Variants in ADGRV1 observed in about 807,000 individuals in gnomAD.
ADGRV1 encodes adhesion G protein-coupled receptor V1.
Under a neutral mutation model 596.2 loss-of-function variants are expected in ADGRV1, and 359 were observed. The observed-to-expected ratio is 0.60, with a 90% confidence interval of 0.55 to 0.66. The LOEUF (loss-of-function observed/expected upper bound fraction) is 0.66, where lower values mean the gene tolerates loss of function less well. ADGRV1 is among the 30% of genes least tolerant of loss of function. ADGRV1 has a pLI of 0.00. For missense variants in ADGRV1, 7,274 were observed against 7,575.6 expected (o/e 0.96, Z 1.48); for synonymous variants, 2,681 against 2,679.2 (o/e 1.00, Z -0.02).
At chr5:90,813,413 T>C (rs2443078) in intron 74 of ADGRV1, among the ~76,000 whole-genome samples, 142,585 of 152,120 alleles carry the variant, frequency 0.94, 67,096 homozygotes, top group East Asian at 1. Context: ...GGGCTCAGGA[T>C]AGAAGTTAGG....
chr5:90,946,915 C>T (rs981978116), intron 83 of ADGRV1, among the ~76,000 whole-genome samples: 5 of 152,126 alleles, frequency 3.3e-5, no homozygotes, highest in Admixed American at 2.6e-4. Context: ...AATAGTGCTG[C>T]AGTGAACATA....
At chr5:90,624,479 G>T (rs761542475) in intron 5 of ADGRV1, among the ~76,000 whole-genome samples, 6 of 151,928 alleles carry the variant, frequency 3.9e-5, no homozygotes, top group Admixed American at 1.3e-4. Flanking sequence ...GCTTAATATT[G>T]CCATATACTG....
At position 90,685,799 on chromosome 5, in the gene ADGRV1, TG is replaced by T; in HGVS notation, c.6297del (p.Pro2100LeufsTer3). The part of the protein sequence containing the change: ...SRSIPNSPRL[G>X]PKVETIAQLI... The stretch of plus-strand genomic sequence containing the variant: ...TTTCAGTTCCAAATTCTCCACGTCT[TG>T]GGCCTAAGGTAGAAACTATTGCGCA... On this transcript the variant is annotated frameshift_variant, in exon 29 of 90. Coordinates refer to ENST00000405460, the MANE Select transcript of ADGRV1 (RefSeq NM_032119.4). LOFTEE classifies it high-confidence loss of function. 1 of 1,608,958 alleles carries T rather than the reference TG, an allele frequency of 6.2e-7. No homozygotes were observed. Among genetic ancestry groups the T allele is most frequent in the Non-Finnish European group, 8.5e-7 (1 of 1,178,084 alleles).
Position 90,653,913 on chromosome 5 carries a change from A to G in ADGRV1, c.4339A>G (p.Arg1447Gly), listed in dbSNP as rs1580610049. 1 of 1,567,190 alleles carries G rather than the reference A, an allele frequency of 6.4e-7. No homozygotes were observed. Among genetic ancestry groups the G allele is most frequent in the Non-Finnish European group, 8.7e-7 (1 of 1,154,912 alleles). ...EFYLDGNAMPRGIKSLKGEAI... is the reference protein window; with the variant it reads ...EFYLDGNAMPGGIKSLKGEAI... Reference sequence around the variant, plus strand: ...CTACCTGGATGGAAATGCAATGCCCAGGGGAATCAAGAGTCTGAAAGGAGA... The same window carrying G: ...CTACCTGGATGGAAATGCAATGCCCGGGGGAATCAAGAGTCTGAAAGGAGA... The change falls in exon 20 of 90, where the codon AGG (arginine) becomes GGG (glycine). Residue 1447 changes from arginine to glycine, a missense_variant. Physicochemically the swap from Arg to Gly is moderately radical, Grantham distance 125 (BLOSUM62 -2). Around this residue, in one of 5 missense-constraint regions of ADGRV1, gnomAD observed 38 missense variants for 66.7 expected, o/e 0.57. Transcript: ENST00000405460.
intron 33 of ADGRV1, among the ~76,000 whole-genome samples, chr5:90,695,278 A>G (rs1218828612): frequency 2.0e-5 from 3 of 152,164 alleles, no homozygotes; most frequent in Non-Finnish European, 4.4e-5. Context: ...TTCATAAACA[A>G]TATACTGATA....
At chr5:90,620,352 TG>T (rs1297481846) in intron 4 of ADGRV1, among the ~76,000 whole-genome samples, 1 of 152,246 alleles carries the variant, frequency 6.6e-6, no homozygotes, top group Non-Finnish European at 1.5e-5. Flanking sequence ...TGATGGCCAG[TG>T]ATGATGAGCA....
At chr5:90,568,810 G>A (rs1022568751) in intron 1 of ADGRV1, among the ~76,000 whole-genome samples, 1 of 152,034 alleles carries the variant, frequency 6.6e-6, no homozygotes, top group African/African-American at 2.4e-5. Flanking sequence ...TGTGCCTGTA[G>A]GTTTACAATT....
rs550772474 is a variant in ADGRV1 at position 91,002,609 on chromosome 5, CTTTAATAATTTT to C, written c.18152+17088_18152+17099del. On this transcript the variant is annotated intron_variant, in intron 85 of 89. Transcript: ENST00000405460. ...CCATTTTCTAAATTTTTTCTGGCCC[CTTTAATAATTTT>C]CAAAATTATTATCTTTTTTTTCTGA... is the stretch of plus-strand genomic sequence containing the variant. Among the ~76,000 whole-genome samples, 1,190 of 152,130 alleles carry C rather than the reference CTTTAATAATTTT, an allele frequency of 7.8e-3. 6 individuals carry two copies. The highest frequency in any genetic ancestry group is 0.015 in the Admixed American group (226 of 15,260).
intron 1 of ADGRV1, among the ~76,000 whole-genome samples, chr5:90,568,910 G>T (rs1756015343): frequency 6.6e-6 from 1 of 151,878 alleles, no homozygotes; most frequent in Admixed American, 6.6e-5. Context: ...TGTCTATTTT[G>T]TCCAATATTA....
intron 83 of ADGRV1, among the ~76,000 whole-genome samples, chr5:90,946,860 A>G (rs748791888): frequency 3.9e-5 from 6 of 152,128 alleles, no homozygotes; most frequent in Admixed American, 1.3e-4. Context: ...TATCCAGTCT[A>G]TCATTGATGG....
chr5:90,722,567 A>T (rs1751195559), intron 45 of ADGRV1, among the ~76,000 whole-genome samples: 1 of 151,212 alleles, frequency 6.6e-6, no homozygotes, highest in African/African-American at 2.4e-5. Context: ...AAAAAAAATT[A>T]GCCGGGCTTG....
intron 34 of ADGRV1, among the ~76,000 whole-genome samples, chr5:90,699,500 G>A (rs1024620010): frequency 3.9e-5 from 6 of 152,140 alleles, no homozygotes; most frequent in African/African-American, 9.7e-5. Flanking sequence ...AAGGATAGAC[G>A]AGATTTAAGG....
chr5:90,781,739 T>G (rs1758880156), intron 65 of ADGRV1, among the ~76,000 whole-genome samples, 161 bp downstream of exon 65: 1 of 152,290 alleles, frequency 6.6e-6, no homozygotes, highest in South Asian at 2.1e-4. Context: ...AAATACATTT[T>G]CAGTTATCTT....
At chr5:90,796,875 C>A (rs1760778215) in intron 70 of ADGRV1, among the ~76,000 whole-genome samples, 1 of 152,082 alleles carries the variant, frequency 6.6e-6, no homozygotes, top group South Asian at 2.1e-4. Context: ...CCAAACTAAG[C>A]TTCATAAGTG....
intron 38 of ADGRV1, among the ~76,000 whole-genome samples, chr5:90,708,211 T>G (rs1455764936): frequency 1.3e-5 from 2 of 152,160 alleles, no homozygotes; most frequent in Non-Finnish European, 2.9e-5. Context: ...CTGCCTTGTT[T>G]TCATTGCTAT....
At chr5:90,622,366 GAAACCAC>G (rs1187683414) in intron 4 of ADGRV1, among the ~76,000 whole-genome samples, 1 of 152,214 alleles carries the variant, frequency 6.6e-6, no homozygotes, top group Non-Finnish European at 1.5e-5. Context: ...ACCAGGACAA[GAAACCAC>G]ATCTTTTGCC....
At chr5:90,898,144 T>C (rs1426019431) in intron 83 of ADGRV1, among the ~76,000 whole-genome samples, 2 of 152,230 alleles carry the variant, frequency 1.3e-5, no homozygotes, top group Non-Finnish European at 2.9e-5. Context: ...ATGGCACATT[T>C]ATATGTATTA....
Position 90,627,300 on chromosome 5 carries a change from C to T in ADGRV1, c.762C>T (p.Ile254=), listed in dbSNP as rs1053133146. ...ACACCTCTAGGAATTCCATTGAGAT[C>T]ATCATTAAGAAAAATGATAGTCCCG... The part of the protein sequence containing the change: ...EINTSRNSIE[I]IIKKNDSPVR... Residue 254 remains isoleucine, a synonymous_variant, in exon 7 of 90, where the codon ATC becomes ATT. Coordinates refer to ENST00000405460, the MANE Select transcript of ADGRV1 (RefSeq NM_032119.4). 2 of 1,611,446 alleles carry T rather than the reference C, an allele frequency of 1.2e-6. No homozygotes were observed. Among genetic ancestry groups the T allele is most frequent in the East Asian group, 4.5e-5 (2 of 44,840 alleles).
At position 90,783,334 on chromosome 5, in the gene ADGRV1, A is replaced by G. The variant is rs186025461; in HGVS notation, c.13433+9A>G. 9.0e-6 allele frequency: 14 copies of G among 1,559,120 alleles called. No individual in the cohort carries two copies. In the Admixed American group the frequency reaches 1.4e-4, roughly 15 times the overall value. The stretch of plus-strand genomic sequence containing the variant: ...ATTGATGACAATGAAAGGTTGGTAT[A>G]TAGAAAATAATGTGGGCACATATAA... On this transcript the variant is annotated intron_variant, in intron 66 of 89. Transcript: ENST00000405460.
Sources: allele counts gnomAD v4.1 joint callset (sites outside exome capture counted in the v4.1 genomes callset), GRCh38; gene constraint gnomAD v4.1.1; regional missense constraint gnomAD v4.1.1; transcripts MANE v1.5; gene names NCBI Gene and HGNC (gene_info 2026-07-23, HGNC 2026-07-21).